The following PACRG variants were observed in gnomAD, a reference collection of about 807,000 sequenced individuals.
PACRG encodes the protein parkin coregulated gene protein.
PACRG carries 29 observed loss-of-function variants against 29.7 expected under a neutral mutation model. That is an observed-to-expected ratio of 0.98 (90% CI 0.73 to 1.33). The LOEUF is 1.33. Ranked by LOEUF, PACRG falls within the 40% of genes most tolerant of loss-of-function variation. The probability of loss-of-function intolerance (pLI) is 0.00; values close to 1 mark genes in which losing one functional copy is unlikely to be tolerated. For missense variants in PACRG, 279 were observed against 316.2 expected (o/e 0.88, Z 0.89); for synonymous variants, 116 against 118.7 (o/e 0.98, Z 0.15).
chr6:162,913,558 T>A (rs922222555), intron 2 of PACRG, among the ~76,000 whole-genome samples: 1 of 152,216 alleles, frequency 6.6e-6, no homozygotes, highest in African/African-American at 2.4e-5. Flanking sequence ...TTTTCATTTC[T>A]CTTGGGGAAA....
intron 4 of PACRG, among the ~76,000 whole-genome samples, chr6:163,253,150 A>T (rs902014385): frequency 6.6e-6 from 1 of 151,368 alleles, no homozygotes; most frequent in Non-Finnish European, 1.5e-5. Flanking sequence ...AAATACAAAA[A>T]TTAGCCAGGC....
At chr6:163,071,783 T>C (rs374808178) in intron 3 of PACRG, among the ~76,000 whole-genome samples, 2 of 151,226 alleles carry the variant, frequency 1.3e-5, no homozygotes, top group African/African-American at 2.4e-5. Flanking sequence ...CAAAGGATCA[T>C]TGGTGGGTAC....
At chr6:162,907,587 T>C (rs890940278) in intron 2 of PACRG, among the ~76,000 whole-genome samples, 3 of 152,118 alleles carry the variant, frequency 2.0e-5, no homozygotes, top group Non-Finnish European at 4.4e-5. Flanking sequence ...AAAAGGATGA[T>C]TTCATTTATT....
intron 2 of PACRG, among the ~76,000 whole-genome samples, chr6:162,844,652 A>G (rs1257605657): frequency 6.6e-6 from 1 of 152,220 alleles, no homozygotes; most frequent in Non-Finnish European, 1.5e-5. Flanking sequence ...CATAACATTC[A>G]GTGACCTGGG....
intron 4 of PACRG, among the ~76,000 whole-genome samples, chr6:163,176,441 C>T (rs959642435): frequency 2.0e-5 from 3 of 152,176 alleles, no homozygotes; most frequent in African/African-American, 7.2e-5. Flanking sequence ...AGTAAACTAG[C>T]CCCGTTATGC....
At chr6:162,935,109 C>T (rs62427531) in intron 2 of PACRG, among the ~76,000 whole-genome samples, 22,479 of 151,998 alleles carry the variant, frequency 0.15, 2,651 homozygotes, top group African/African-American at 0.32. Flanking sequence ...TTGCTGTTTT[C>T]ATAATTTTCT....
chr6:162,728,664 A>G (rs1014772613), intron 1 of PACRG, among the ~76,000 whole-genome samples: 1 of 152,144 alleles, frequency 6.6e-6, no homozygotes, highest in Non-Finnish European at 1.5e-5. Context: ...CTCTTAAGCT[A>G]TTTACACGAG....
intron 2 of PACRG, among the ~76,000 whole-genome samples, chr6:163,036,344 T>A (rs1343941858): frequency 1.3e-5 from 2 of 152,228 alleles, no homozygotes. Flanking sequence ...GTACTGAATC[T>A]GACTCACAGC....
At chr6:163,054,633 AAGAC>A (rs139426519) in intron 2 of PACRG, among the ~76,000 whole-genome samples, 6 of 152,294 alleles carry the variant, frequency 3.9e-5, no homozygotes, top group African/African-American at 1.4e-4. Context: ...TTGAATGAGT[AAGAC>A]AGGGTTTTGT....
At chr6:163,123,896 A>G (rs942919975) in intron 4 of PACRG, among the ~76,000 whole-genome samples, 7 of 152,196 alleles carry the variant, frequency 4.6e-5, no homozygotes, top group Non-Finnish European at 7.3e-5. Context: ...TCAGTGGACA[A>G]TTGGGTTGCT....
intron 1 of PACRG, among the ~76,000 whole-genome samples, chr6:162,753,762 T>C (rs771004327): frequency 1.9e-4 from 29 of 152,184 alleles, no homozygotes; most frequent in Non-Finnish European, 1.5e-5. Context: ...TTCCTGCCAC[T>C]ATGTAAGACA....
intron 3 of PACRG, among the ~76,000 whole-genome samples, chr6:163,064,288 T>A (rs1811345015): frequency 6.6e-6 from 1 of 152,178 alleles, no homozygotes. Context: ...TGATCTGTAT[T>A]TTGAAGATAC....
chr6:163,313,309 CTTTT>C (rs574518389), intron 4 of PACRG, among the ~76,000 whole-genome samples: 12 of 150,990 alleles, frequency 7.9e-5, no homozygotes. Context: ...GACTCACAAT[CTTTT>C]TTTTTCTGAA....
At chr6:162,832,688 A>G (rs1788885417) in intron 2 of PACRG, among the ~76,000 whole-genome samples, 1 of 152,148 alleles carries the variant, frequency 6.6e-6, no homozygotes, top group Non-Finnish European at 1.5e-5. Flanking sequence ...AAGCTTCTGC[A>G]TAAATTTTTC....
intron 4 of PACRG, among the ~76,000 whole-genome samples, chr6:163,129,909 A>G (rs1816666681): frequency 6.6e-6 from 1 of 152,258 alleles, no homozygotes; most frequent in South Asian, 2.1e-4. Context: ...TTGGAAAAAT[A>G]ACAAGATTAG....
At chr6:163,264,939 G>A (rs1783471164) in intron 4 of PACRG, among the ~76,000 whole-genome samples, 1 of 152,184 alleles carries the variant, frequency 6.6e-6, no homozygotes, top group Non-Finnish European at 1.5e-5. Flanking sequence ...CCAAGCCAAG[G>A]AACGCTATCA....
intron 4 of PACRG, among the ~76,000 whole-genome samples, chr6:163,296,179 T>G (rs1784773078): frequency 6.6e-6 from 1 of 152,230 alleles, no homozygotes; most frequent in Non-Finnish European, 1.5e-5. Flanking sequence ...GTCAGGTTTT[T>G]GGGGTAGAAT....
chr6:162,825,463 C>T (rs969899029), intron 2 of PACRG, among the ~76,000 whole-genome samples: 1 of 152,106 alleles, frequency 6.6e-6, no homozygotes, highest in African/African-American at 2.4e-5. Context: ...TCAACTCTGT[C>T]TTCCAACTTA....
chr6:162,848,075 C>G (rs971578982), intron 2 of PACRG, among the ~76,000 whole-genome samples: 5 of 152,062 alleles, frequency 3.3e-5, no homozygotes, highest in Admixed American at 2.0e-4. Flanking sequence ...AAGGGAAGCT[C>G]TAGAGGGTGC....
Sources: allele counts gnomAD v4.1 joint callset (sites outside exome capture counted in the v4.1 genomes callset), GRCh38; gene constraint gnomAD v4.1.1; transcripts MANE v1.5; gene names NCBI Gene and HGNC (gene_info 2026-07-23, HGNC 2026-07-21).